Variants in DIAPH2 observed in about 807,000 individuals in gnomAD.
DIAPH2 encodes the protein protein diaphanous homolog 2.
A neutral mutation model predicts 92.7 loss-of-function variants in DIAPH2; 35 were observed. The observed-to-expected ratio is 0.38, with a 90% CI of 0.29 to 0.50. The LOEUF is 0.50. DIAPH2 is among the 20% of genes least tolerant of loss of function. DIAPH2 has a pLI of 0.94. For synonymous variants in DIAPH2, 301 were observed against 280.4 expected (o/e 1.07, Z -0.73); for missense variants, 701 against 819.5 (o/e 0.86, Z 1.77).
At chrX:97,104,155 C>A (rs189723608) in intron 20 of DIAPH2, among the ~76,000 whole-genome samples, 1 of 111,602 alleles carries the variant, frequency 9.0e-6, no homozygotes, top group East Asian at 2.8e-4. Context: ...ATAATCCCAA[C>A]TATATTGCAA....
intron 22 of DIAPH2, among the ~76,000 whole-genome samples, chrX:97,245,305 CTTAT>C (rs759962311): frequency 1.1e-4 from 12 of 108,693 alleles, no homozygotes; most frequent in East Asian, 5.8e-4. Context: ...ACCCAGCTTG[CTTAT>C]TTATTTATTT....
chrX:97,432,684 G>T (rs1186168812), intron 26 of DIAPH2, among the ~76,000 whole-genome samples: 1 of 111,027 alleles, frequency 9.0e-6, no homozygotes, highest in South Asian at 3.8e-4. Context: ...ATGGTATTTC[G>T]CCAGGTTGGC....
intron 26 of DIAPH2, among the ~76,000 whole-genome samples, chrX:97,586,628 T>G (rs1427865285): frequency 8.9e-6 from 1 of 112,019 alleles, no homozygotes; most frequent in Non-Finnish European, 1.9e-5. Context: ...TTTCTCTTCC[T>G]TTCCTCACAG....
intron 4 of DIAPH2, among the ~76,000 whole-genome samples, chrX:96,881,100 T>C (rs1198217177): frequency 9.0e-6 from 1 of 111,425 alleles, no homozygotes; most frequent in Non-Finnish European, 1.9e-5. Flanking sequence ...TTTTCACTTA[T>C]TTTTTTTAGA....
At chrX:96,899,931 G>A (rs182026130) in intron 5 of DIAPH2, among the ~76,000 whole-genome samples, 148 of 111,342 alleles carry the variant, frequency 1.3e-3, no homozygotes, top group African/African-American at 4.7e-3. Flanking sequence ...AGAGTTTTTA[G>A]CATGAAGTGT....
chrX:97,323,196 G>A (rs2068915481), intron 23 of DIAPH2, among the ~76,000 whole-genome samples: 3 of 105,926 alleles, frequency 2.8e-5, no homozygotes, highest in Non-Finnish European at 3.9e-5. Context: ...ATGAGCCACC[G>A]CACCCAGCCC....
intron 4 of DIAPH2, among the ~76,000 whole-genome samples, chrX:96,824,119 T>C (rs181610032): frequency 1.5e-3 from 171 of 110,841 alleles, no homozygotes; most frequent in Non-Finnish European, 2.1e-3. Flanking sequence ...TTTCACCACA[T>C]CTGTAGGGGT....
intron 1 of DIAPH2, among the ~76,000 whole-genome samples, chrX:96,718,336 GTTTTTTT>G (rs962776012): frequency 6.0e-3 from 66 of 10,979 alleles, no homozygotes; most frequent in African/African-American, 0.029. Flanking sequence ...CATTTTCTTT[GTTTTTTT>G]TTTTTTTTTT....
chrX:97,502,215 A>T, intron 26 of DIAPH2, among the ~76,000 whole-genome samples: 1 of 112,673 alleles, frequency 8.9e-6, no homozygotes, highest in Non-Finnish European at 1.9e-5. Flanking sequence ...AGCTAGAATA[A>T]AAATAATCAA....
At chrX:97,201,896 A>G (rs767344762) in intron 22 of DIAPH2, among the ~76,000 whole-genome samples, 2 of 111,215 alleles carry the variant, frequency 1.8e-5, no homozygotes, top group African/African-American at 6.5e-5. Flanking sequence ...TGAAAGAAAA[A>G]CTGTTAAGGG....
At chrX:96,754,015 A>G (rs937800523) in intron 3 of DIAPH2, among the ~76,000 whole-genome samples, 1 of 112,295 alleles carries the variant, frequency 8.9e-6, no homozygotes, top group Non-Finnish European at 1.9e-5. Flanking sequence ...ACTCTAGTTA[A>G]AAGGGAGACT....
At chrX:97,278,079 C>T (rs376943425) in intron 23 of DIAPH2, among the ~76,000 whole-genome samples, 4 of 111,931 alleles carry the variant, frequency 3.6e-5, no homozygotes, top group Non-Finnish European at 7.5e-5. Context: ...CTCTTGACCT[C>T]GTGATCCGCG....
In DIAPH2 at chrX:97,483,724, G is replaced by C. The variant is rs144312233; in HGVS notation, c.3241+53979G>C. On this transcript the variant is annotated intron_variant, in intron 26 of 26. Coordinates refer to ENST00000324765, the MANE Select transcript of DIAPH2 (RefSeq NM_006729.5). ...CTTATACCTACAGAGAAAGCCTGTT[G>C]TTTGGCCTCATTGAATGTGTCATAC... is the stretch of plus-strand genomic sequence containing the variant. Among the ~76,000 whole-genome samples, 780 of 111,445 alleles carry C rather than the reference G, an allele frequency of 7.0e-3. 9 individuals carry two copies. The East Asian group carries it at 0.082, about 12-fold the overall frequency.
At chrX:97,023,549 A>G (rs1374781487) in intron 17 of DIAPH2, among the ~76,000 whole-genome samples, 3 of 111,961 alleles carry the variant, frequency 2.7e-5, no homozygotes, top group Non-Finnish European at 5.6e-5. Context: ...AGTAAGTGGG[A>G]GAGCTAGAGT....
At chrX:97,188,437 G>C (rs974367504) in intron 22 of DIAPH2, among the ~76,000 whole-genome samples, 3 of 111,885 alleles carry the variant, frequency 2.7e-5, no homozygotes, top group African/African-American at 9.7e-5. Flanking sequence ...AGAAGCAATG[G>C]ACCGTCCAAT....
At chrX:97,592,786 G>A (rs1020050585) in intron 26 of DIAPH2, among the ~76,000 whole-genome samples, 8 of 111,894 alleles carry the variant, frequency 7.1e-5, no homozygotes, top group East Asian at 2.8e-4. Context: ...AATGGGAGTC[G>A]TGTGTCTATA....
chrX:97,335,928 A>G lies in DIAPH2; in HGVS notation c.2845-12188A>G, dbSNP rs2069053971. Among the ~76,000 whole-genome samples the G allele has an allele frequency of 2.7e-5, 3 of 111,782 alleles. No homozygotes were observed. In the Admixed American group the frequency reaches 2.9e-4, roughly 11 times the overall value. On this transcript the variant is annotated intron_variant, in intron 23 of 26. Coordinates refer to ENST00000324765, the MANE Select transcript of DIAPH2 (RefSeq NM_006729.5). The stretch of plus-strand genomic sequence containing the variant: ...AGAGTTTTAAATGCTTAATAGATCT[A>G]TAGAATCTGGTTCCTGCTTACCTCA...
chrX:97,002,981 A>G (rs1034957906), intron 17 of DIAPH2, among the ~76,000 whole-genome samples: 1 of 111,532 alleles, frequency 9.0e-6, no homozygotes, highest in Non-Finnish European at 1.9e-5. Flanking sequence ...TCGTTCTACT[A>G]TCTATCTCCA....
At chrX:96,948,236 A>G (rs1351656759) in intron 14 of DIAPH2, among the ~76,000 whole-genome samples, 1 of 112,484 alleles carries the variant, frequency 8.9e-6, no homozygotes. Flanking sequence ...AAACTGCTTG[A>G]TGGTTTATTT....
Sources: allele counts gnomAD v4.1 joint callset (sites outside exome capture counted in the v4.1 genomes callset), GRCh38; gene constraint gnomAD v4.1.1; transcripts MANE v1.5; gene names NCBI Gene and HGNC (gene_info 2026-07-23, HGNC 2026-07-21).